Variants in SLC3A2 observed in about 807,000 individuals in gnomAD.
SLC3A2 encodes solute carrier family 3 member 2, also known as amino acid transporter heavy chain SLC3A2.
SLC3A2 carries 32 observed loss-of-function variants against 48.5 expected under a neutral mutation model. The ratio of observed to expected loss-of-function variants is 0.66; its 90% CI spans 0.50 to 0.89. SLC3A2 has a LOEUF of 0.89. Ranked by LOEUF, SLC3A2 falls within the 40% of genes least tolerant of loss-of-function variation. The probability of loss-of-function intolerance (pLI) is 0.00; values close to 1 mark genes in which losing one functional copy is unlikely to be tolerated. For synonymous variants in SLC3A2, 277 were observed against 288.8 expected, an observed-to-expected ratio of 0.96 and a Z score of 0.41; for missense variants, 587 against 680.7, an observed-to-expected ratio of 0.86 and a Z score of 1.53.
upstream of SLC3A2, among the ~76,000 whole-genome samples, chr11:62,878,608 GGCACCC>G (rs2085594011): frequency 6.6e-6 from 1 of 150,574 alleles, no homozygotes; most frequent in Non-Finnish European, 1.5e-5. Flanking sequence ...TGGGACTACA[GGCACCC>G]GCCACCACGC....
Position 62,884,443 on chromosome 11 carries a change from T to G in SLC3A2, c.691-14T>G. 6.2e-7 allele frequency: 1 copy of G among 1,614,138 alleles called. No individual in the cohort carries two copies. The highest frequency in any genetic ancestry group is 8.5e-7 in the Non-Finnish European group (1 of 1,179,996). On this transcript the variant is annotated splice_polypyrimidine_tract_variant and intron_variant, in intron 3 of 8. Coordinates refer to ENST00000338663, the MANE Select transcript of SLC3A2 (RefSeq NM_001013251.3). ...AGAACTGATGTCTGTCCTTTATTCT[T>G]CTGCCCCCTATAGGATGCTCTGGAG...
At chr11:62,870,725 ATT>A (rs754127613) in intron 1 of SLC3A2, 38 of 141,762 alleles carry the variant, frequency 2.7e-4, no homozygotes, top group South Asian at 7.5e-4. Context: ...TATTATTATT[ATT>A]TTTTTTTTTT....
chr11:62,872,683 A>G (rs150741739), intron 1 of SLC3A2, among the ~76,000 whole-genome samples: 1 of 152,104 alleles, frequency 6.6e-6, no homozygotes, highest in African/African-American at 2.4e-5. Flanking sequence ...GCTCACTGCA[A>G]CCTCTGCCTC....
intron 2 of SLC3A2, chr11:62,882,365 G>T (rs906950482): frequency 1.4e-5 from 5 of 348,860 alleles, no homozygotes; most frequent in Non-Finnish European, 1.6e-5. Flanking sequence ...GTTTTTTTGG[G>T]GGGGGGGAAT....
chr11:62,885,385 G>A (rs1453202918), intron 6 of SLC3A2, 28 bp downstream of exon 6: 2 of 1,613,916 alleles, frequency 1.2e-6, no homozygotes, highest in Non-Finnish European at 1.7e-6. Context: ...GGGAAAGGGG[G>A]CAGATGGGAG....
upstream of SLC3A2, among the ~76,000 whole-genome samples, chr11:62,877,149 C>T (rs1450946421): frequency 6.6e-6 from 1 of 151,176 alleles, no homozygotes; most frequent in Non-Finnish European, 1.5e-5. Context: ...CAACCTCTGC[C>T]TCCTGGGTTC....
At chr11:62,884,153 G>T in intron 3 of SLC3A2, 2 of 538,068 alleles carry the variant, frequency 3.7e-6, no homozygotes, top group East Asian at 3.8e-5. Context: ...ACGAAGTTAT[G>T]TTTATGGACA....
chr11:62,881,432 G>A lies in SLC3A2; in HGVS notation c.409G>A (p.Ala137Thr). Residue 137 changes from alanine (A) to threonine (T), a missense_variant, in exon 1 of 9, where the codon GCG (alanine) becomes ACG (threonine). Physicochemically the swap from Ala to Thr is moderately conservative, Grantham distance 58. Around this residue, in one of 3 missense-constraint regions of SLC3A2, gnomAD observed 409 missense variants for 446.7 expected, o/e 0.92. Coordinates refer to ENST00000338663, the MANE Select transcript of SLC3A2 (RefSeq NM_001013251.3). The surrounding 1 kb of genome is among the most constrained non-coding windows in gnomAD (Gnocchi z 4.0). ...GDLQAFQGHG[A>T]GNLAGLKGRL... ...CCTTCAGGCCTTCCAGGGCCACGGC[G>A]CGGGCAACCTGGCGGGTGAGTGCAG... 6.3e-7 allele frequency: 1 copy of A among 1,586,642 alleles called. No homozygotes were observed. Among genetic ancestry groups the A allele is most frequent in the South Asian group, 1.1e-5 (1 of 89,534 alleles).
intron 1 of SLC3A2, among the ~76,000 whole-genome samples, chr11:62,862,424 A>AG (rs1171282936): frequency 1.4e-5 from 2 of 148,126 alleles, no homozygotes; most frequent in East Asian, 4.1e-4. Flanking sequence ...CGAAGGTGAG[A>AG]GGGTCCCTTG....
intron 3 of SLC3A2, chr11:62,884,140 T>G: frequency 1.9e-6 from 1 of 520,990 alleles, no homozygotes. Flanking sequence ...TGCTAAGTGT[T>G]AAACGAAGTT....
intron 1 of SLC3A2, among the ~76,000 whole-genome samples, chr11:62,858,662 G>A (rs1039347510): frequency 3.9e-5 from 6 of 152,148 alleles, no homozygotes; most frequent in Non-Finnish European, 8.8e-5. Context: ...GGAGGATCCC[G>A]CCAGCCTCTG....
intron 1 of SLC3A2, among the ~76,000 whole-genome samples, chr11:62,875,019 T>C (rs1565249735): frequency 1.3e-5 from 2 of 152,192 alleles, no homozygotes; most frequent in Non-Finnish European, 2.9e-5. Context: ...CGCCTCATTC[T>C]TCCAAAATGC....
upstream of SLC3A2, among the ~76,000 whole-genome samples, chr11:62,880,034 A>G (rs970523618): frequency 6.6e-6 from 1 of 152,178 alleles, no homozygotes; most frequent in South Asian, 2.1e-4. Flanking sequence ...CTTCTGGTCT[A>G]TTCCACAAAA....
chr11:62,880,766 C>T, upstream of SLC3A2: 1 of 542,116 alleles, frequency 1.8e-6, no homozygotes, highest in Non-Finnish European at 3.1e-6. Flanking sequence ...GAAGTACTGT[C>T]GGAGGCGTGT....
In SLC3A2 at chr11:62,881,570, TCCCCCTTCCCCCA is replaced by T. The variant is rs2085639433; in HGVS notation, c.424+130_424+142del. 98 of 1,301,780 alleles carry T rather than the reference TCCCCCTTCCCCCA, an allele frequency of 7.5e-5. 1 individual carries two copies. The South Asian group carries it at 1.5e-3, about 20-fold the overall frequency. The allele number at this position is 1,301,780 out of a possible 1,614,324, so 80.6% of individuals were successfully genotyped here. ...CCCTCCATCCCGTACCGACGACTGT[TCCCCCTTCCCCCA>T]CCCCCTCCCCGGCACATTGTCCTTC... On this transcript the variant is annotated intron_variant, in intron 1 of 8. Transcript: ENST00000338663. The surrounding 1 kb of genome is among the most constrained non-coding windows in gnomAD (Gnocchi z 4.0).
intron 1 of SLC3A2, among the ~76,000 whole-genome samples, chr11:62,864,209 CTCTT>C (rs2085428957): frequency 6.6e-6 from 1 of 152,074 alleles, no homozygotes; most frequent in African/African-American, 2.4e-5. Context: ...TTTTAGAGAT[CTCTT>C]TGTCTGTCCC....
Position 62,888,077 on chromosome 11 carries a change from G to A in SLC3A2, c.1144-58G>A, listed in dbSNP as rs543047107. The A allele has an allele frequency of 2.4e-5, 35 of 1,478,544 alleles. No individual in the cohort carries two copies. The African/African-American group carries it at 4.7e-4, about 20-fold the overall frequency. The allele number at this position is 1,478,544 out of a possible 1,614,324, so 91.6% of individuals were successfully genotyped here. A position where few individuals can be genotyped will look rare whatever the true frequency, so the allele number is the denominator to read the frequency against. Reference sequence around the variant, plus strand: ...CTCCCAGACTGCTGGAATTACAGATGTGAGCCACCATGCCTGACCCCAGGC... The same window carrying A: ...CTCCCAGACTGCTGGAATTACAGATATGAGCCACCATGCCTGACCCCAGGC... On this transcript the variant is annotated intron_variant, in intron 7 of 8. Coordinates refer to ENST00000338663, the MANE Select transcript of SLC3A2 (RefSeq NM_001013251.3).
intron 1 of SLC3A2, among the ~76,000 whole-genome samples, chr11:62,858,433 T>G (rs1039846663): frequency 6.6e-6 from 1 of 152,266 alleles, no homozygotes; most frequent in East Asian, 1.9e-4. Flanking sequence ...TTAAAATTTT[T>G]TGGCCGGGCG....
chr11:62,866,343 C>T (rs2038656881), intron 1 of SLC3A2, among the ~76,000 whole-genome samples: 1 of 151,768 alleles, frequency 6.6e-6, no homozygotes, highest in South Asian at 2.1e-4. Context: ...GTCTTGAACT[C>T]CTGACCTCAG....
Sources: allele counts gnomAD v4.1 joint callset (sites outside exome capture counted in the v4.1 genomes callset), GRCh38; gene constraint gnomAD v4.1.1; regional missense constraint gnomAD v4.1.1; non-coding constraint Gnocchi (gnomAD v3.1); transcripts MANE v1.5; gene names NCBI Gene and HGNC (gene_info 2026-07-23, HGNC 2026-07-21).